The following FAM168B variants were observed in gnomAD, a reference collection of about 807,000 sequenced individuals.
The protein encoded by FAM168B is family with sequence similarity 168 member B, also known as myelin-associated neurite-outgrowth inhibitor.
Under a neutral mutation model 21.8 loss-of-function variants are expected in FAM168B, and 19 were observed. The ratio of observed to expected loss-of-function variants is 0.87; its 90% CI spans 0.61 to 1.28. The LOEUF (loss-of-function observed/expected upper bound fraction) is 1.28, where lower values mean the gene tolerates loss of function less well. FAM168B is among the 50% of genes most tolerant of loss of function. The pLI, the probability that FAM168B is intolerant of heterozygous loss-of-function variation, is 0.00. For synonymous variants in FAM168B, 126 were observed against 104.8 expected (o/e 1.20, Z -1.24); for missense variants, 233 against 263.1 (o/e 0.89, Z 0.79).
intron 3 of FAM168B, among the ~76,000 whole-genome samples, chr2:131,062,961 T>C (rs747106065): frequency 6.6e-6 from 1 of 152,206 alleles, no homozygotes; most frequent in African/African-American, 2.4e-5. Context: ...AGGTAAGATA[T>C]ACTGAGGACC....
chr2:131,052,106 T>C lies in FAM168B; in HGVS notation c.*359A>G. 2 of 985,850 alleles carry C rather than the reference T, an allele frequency of 2.0e-6. No homozygotes were observed. Among genetic ancestry groups the C allele is most frequent in the Non-Finnish European group, 2.4e-6 (2 of 829,934 alleles). 61.1% of individuals were successfully genotyped at this position (985,850 alleles called of 1,614,324 possible). ...CGTTTCCATTCCTTTGGATTTTGCA[T>C]ATGATGGTTTTGCATCAGTCACTGC... On this transcript the variant is annotated 3_prime_UTR_variant, in exon 7 of 7. Transcript: ENST00000389915.
At chr2:131,053,046 C>T in intron 5 of FAM168B, 31 bp from the exon 6 acceptor site, 1 of 1,539,306 alleles carries the variant, frequency 6.5e-7, no homozygotes, top group Admixed American at 2.1e-5. Flanking sequence ...TGACATGAGG[C>T]TGACCTCCTG....
chr2:131,062,346 G>C (rs767062349), intron 3 of FAM168B, among the ~76,000 whole-genome samples: 1 of 152,204 alleles, frequency 6.6e-6, no homozygotes, highest in Non-Finnish European at 1.5e-5. Flanking sequence ...ACACAGTCGA[G>C]GGGCCCACCT....
At position 131,048,278 on chromosome 2, in the gene FAM168B, C is replaced by T. The variant is rs1346889858; in HGVS notation, c.*4187G>A. On this transcript the variant is annotated 3_prime_UTR_variant, in exon 7 of 7. Transcript: ENST00000389915. ...ACAGCAACCCTGCTAGGAGCACAAACGGCTGGCCTGAGATCTGGCCCAGCT... is the reference window on the plus strand; with the variant it reads ...ACAGCAACCCTGCTAGGAGCACAAATGGCTGGCCTGAGATCTGGCCCAGCT... 6 of 1,304,272 alleles carry T rather than the reference C, an allele frequency of 4.6e-6. No individual in the cohort carries two copies. Among genetic ancestry groups the T allele is most frequent in the Middle Eastern group, 2.1e-4 (1 of 4,696 alleles). 80.8% of individuals were successfully genotyped at this position (1,304,272 alleles called of 1,614,324 possible).
rs1395098689 is a variant in FAM168B at position 131,052,213 on chromosome 2, C to G, written c.*252G>C. The G allele has an allele frequency of 1.0e-6, 1 of 985,790 alleles. No individual in the cohort carries two copies. Among genetic ancestry groups the G allele is most frequent in the African/African-American group, 1.7e-5 (1 of 57,346 alleles). The allele number at this position is 985,790 out of a possible 1,614,324, so 61.1% of individuals were successfully genotyped here. A position where few individuals can be genotyped will look rare whatever the true frequency, so the allele number is the denominator to read the frequency against. The stretch of plus-strand genomic sequence containing the variant: ...ATGATTCAGAATAGATTAATACTCC[C>G]TTTTTATCATTACAGTTAGCTAAAA... On this transcript the variant is annotated 3_prime_UTR_variant, in exon 7 of 7. Coordinates refer to ENST00000389915, the MANE Select transcript of FAM168B (RefSeq NM_001009993.4).
rs908118579 is a variant in FAM168B, at chr2:131,050,307, C to T, written c.*2158G>A. 49 of 985,436 alleles carry T rather than the reference C, an allele frequency of 5.0e-5. 1 individual carries two copies. The South Asian group carries it at 2.1e-3, about 42-fold the overall frequency. The allele number at this position is 985,436 out of a possible 1,614,324, so 61.0% of individuals were successfully genotyped here. ...GGGGCTTTTTAAAAGCATACACTAA[C>T]ATTGTGAGTATTTTATCCTAATCTA... is the stretch of plus-strand genomic sequence containing the variant. On this transcript the variant is annotated 3_prime_UTR_variant, in exon 7 of 7. Coordinates refer to ENST00000389915, the MANE Select transcript of FAM168B (RefSeq NM_001009993.4).
At chr2:131,060,620 C>T (rs1320097354) in intron 3 of FAM168B, among the ~76,000 whole-genome samples, 1 of 152,124 alleles carries the variant, frequency 6.6e-6, no homozygotes, top group Non-Finnish European at 1.5e-5. Context: ...AATTAGAGAC[C>T]TGCTGTTTCT....
intron 1 of FAM168B, among the ~76,000 whole-genome samples, chr2:131,083,170 A>G (rs1242630365): frequency 1.3e-5 from 2 of 152,116 alleles, no homozygotes; most frequent in African/African-American, 4.8e-5. Flanking sequence ...CCTGGCCAAC[A>G]TGGTCAAACT....
At chr2:131,092,583 T>G (rs1694088998) in intron 1 of FAM168B, among the ~76,000 whole-genome samples, 1 of 152,166 alleles carries the variant, frequency 6.6e-6, no homozygotes, top group East Asian at 1.9e-4. Context: ...CTTTAATGAT[T>G]AAACATTAAC....
At chr2:131,091,505 GGCGCAGT>G in intron 1 of FAM168B, among the ~76,000 whole-genome samples, 1 of 150,594 alleles carries the variant, frequency 6.6e-6, no homozygotes, top group African/African-American at 2.4e-5. Context: ...AAATTAGCTG[GGCGCAGT>G]GGTGTGTGCC....
rs373493888 is a variant in FAM168B, at chr2:131,053,029, C to T, written c.476-14G>A. ...TCAGCAGGGTACCTGGAAGAAAGAG[C>T]AGCACATGACATGAGGCTGACCTCC... On this transcript the variant is annotated splice_polypyrimidine_tract_variant and intron_variant, in intron 5 of 6. Coordinates refer to ENST00000389915, the MANE Select transcript of FAM168B (RefSeq NM_001009993.4). The T allele has an allele frequency of 7.1e-4, 1,095 of 1,544,554 alleles. No individual in the cohort carries two copies. The highest frequency in any genetic ancestry group is 9.2e-4 in the Non-Finnish European group (1,052 of 1,143,976).
At chr2:131,080,344 G>A (rs1214381968) in intron 2 of FAM168B, among the ~76,000 whole-genome samples, 1 of 150,610 alleles carries the variant, frequency 6.6e-6, no homozygotes, top group Non-Finnish European at 1.5e-5. Context: ...AATATCTTAA[G>A]GTAAGGCAAC....
chr2:131,061,944 C>T (rs1022558778), intron 3 of FAM168B, among the ~76,000 whole-genome samples: 1 of 152,078 alleles, frequency 6.6e-6, no homozygotes, highest in South Asian at 2.1e-4. Flanking sequence ...TGCCACTGGA[C>T]ATGTTCAATA....
At chr2:131,082,482 T>C (rs1219933321) in intron 2 of FAM168B, 95 bp downstream of exon 2, 3 of 815,138 alleles carry the variant, frequency 3.7e-6, no homozygotes, top group Non-Finnish European at 5.8e-6. Flanking sequence ...TAAGCCACTT[T>C]GAGCTGCGTT....
Position 131,082,627 on chromosome 2 carries a change from G to A in FAM168B, c.20C>T (p.Pro7Leu). 16 of 1,608,734 alleles carry A rather than the reference G, an allele frequency of 9.9e-6. No homozygotes were observed. Among genetic ancestry groups the A allele is most frequent in the Non-Finnish European group, 1.2e-5 (14 of 1,178,028 alleles). The change falls in exon 2 of 7, where the codon CCT (proline) becomes CTT (leucine). Residue 7 changes from proline (P) to leucine (L), a missense_variant. Coordinates refer to ENST00000389915, the MANE Select transcript of FAM168B (RefSeq NM_001009993.4). ...TGCATAGGGAACCCCAGAAGATCCAGGACTATAAACAGGATTCATGATTTC... is the reference window on the plus strand; with the variant it reads ...TGCATAGGGAACCCCAGAAGATCCAAGACTATAAACAGGATTCATGATTTC... MNPVYS[P>L]GSSGVPYANA...
chr2:131,064,749 T>C (rs79417908), intron 3 of FAM168B, among the ~76,000 whole-genome samples: 3,297 of 152,108 alleles, frequency 0.022, 127 homozygotes, highest in African/African-American at 0.075. Context: ...AGCCCTGGGA[T>C]GATGAGAACA....
At chr2:131,086,782 A>ATAAAGTGTTCTGAGGGCTGAGAGGGGAG (rs1573822542) in intron 1 of FAM168B, among the ~76,000 whole-genome samples, 2 of 147,548 alleles carry the variant, frequency 1.4e-5, no homozygotes, top group African/African-American at 5.3e-5. Flanking sequence ...TCACAAGAGA[A>ATAAAGTGTTCTGAGGGCTGAGAGGGGAG]AGGCCGGGCG....
At chr2:131,071,492 G>C (rs1177140651) in intron 3 of FAM168B, among the ~76,000 whole-genome samples, 1 of 152,128 alleles carries the variant, frequency 6.6e-6, no homozygotes, top group Non-Finnish European at 1.5e-5. Flanking sequence ...TATTATCAGA[G>C]TGCTAAAGTA....
At chr2:131,059,964 A>G (rs995680929) in intron 3 of FAM168B, among the ~76,000 whole-genome samples, 4 of 152,194 alleles carry the variant, frequency 2.6e-5, no homozygotes, top group Non-Finnish European at 5.9e-5. Context: ...AAGCCAGGTG[A>G]TGTGTAGGTG....
Sources: allele counts gnomAD v4.1 joint callset (sites outside exome capture counted in the v4.1 genomes callset), GRCh38; gene constraint gnomAD v4.1.1; transcripts MANE v1.5; gene names NCBI Gene and HGNC (gene_info 2026-07-23, HGNC 2026-07-21).